Variants in INPP5A observed in about 807,000 individuals in gnomAD.
INPP5A encodes 43 kDa inositol polyphosphate 5-phophatase.
Under a neutral mutation model 65.2 loss-of-function variants are expected in INPP5A, and 14 were observed. The observed-to-expected ratio is 0.21, with a 90% CI of 0.14 to 0.34. The LOEUF is 0.34. Ranked by LOEUF, INPP5A falls within the 10% of genes least tolerant of loss-of-function variation. The probability of loss-of-function intolerance (pLI) is 1.00; values close to 1 mark genes in which losing one functional copy is unlikely to be tolerated. For synonymous variants in INPP5A, 207 were observed against 208.3 expected, an observed-to-expected ratio of 0.99 and a Z score of 0.05; for missense variants, 431 against 545.6, an observed-to-expected ratio of 0.79 and a Z score of 2.09.
At chr10:132,752,727 G>A (rs1166803886) in intron 11 of INPP5A, among the ~76,000 whole-genome samples, 3 of 151,660 alleles carry the variant, frequency 2.0e-5, no homozygotes, top group Admixed American at 2.0e-4. Context: ...GCGGCATGGA[G>A]GGGTGTGTCT....
intron 1 of INPP5A, among the ~76,000 whole-genome samples, chr10:132,554,833 T>C (rs1464010802): frequency 2.7e-5 from 4 of 147,926 alleles, no homozygotes; most frequent in Non-Finnish European, 6.0e-5. Context: ...GTGTGTGGCA[T>C]GATCGGTGTG....
chr10:132,597,811 T>G (rs1267081584), intron 1 of INPP5A, among the ~76,000 whole-genome samples: 2 of 142,154 alleles, frequency 1.4e-5, no homozygotes, highest in African/African-American at 5.1e-5. Context: ...CTACGCGTAG[T>G]GACCCTGGGC....
rs535932580 is a variant in INPP5A, at chr10:132,678,913, C to T, written c.307-11479C>T. On this transcript the variant is annotated intron_variant, in intron 4 of 15. Transcript: ENST00000368594. This position sits in a 1 kb window ranked among gnomAD's most constrained non-coding sequence, Gnocchi z 4.1. ...TGGAAAAGGGGAGGCAGCAGAGGTA[C>T]CCTCCTGACAGAAGGGCGCAGCCTC... Among the ~76,000 whole-genome samples, 3 of 152,238 alleles carry T rather than the reference C, an allele frequency of 2.0e-5. No individual in the cohort carries two copies. The South Asian group carries it at 6.2e-4, about 32-fold the overall frequency.
At chr10:132,771,247 C>T (rs1846941922) in intron 12 of INPP5A, among the ~76,000 whole-genome samples, 1 of 152,216 alleles carries the variant, frequency 6.6e-6, no homozygotes, top group South Asian at 2.1e-4. Context: ...TCATCCCACC[C>T]AGCCCAAGAC....
Position 132,697,785 on chromosome 10 carries a change from A to G in INPP5A, c.371-31A>G. On this transcript the variant is annotated intron_variant, in intron 5 of 15. Transcript: ENST00000368594. This position sits in a 1 kb window ranked among gnomAD's most constrained non-coding sequence, Gnocchi z 5.6. ...TGGTTGGATGGGGCACAGTGATGGGATAGTCACCTCGTCCTTCTGGTCTCT... is the reference window on the plus strand; with the variant it reads ...TGGTTGGATGGGGCACAGTGATGGGGTAGTCACCTCGTCCTTCTGGTCTCT... 3 of 1,450,432 alleles carry G rather than the reference A, an allele frequency of 2.1e-6. No individual in the cohort carries two copies. Among genetic ancestry groups the G allele is most frequent in the South Asian group, 1.2e-5 (1 of 86,278 alleles). The allele number at this position is 1,450,432 out of a possible 1,614,324, so 89.8% of individuals were successfully genotyped here.
chr10:132,614,174 A>G (rs537525015), intron 2 of INPP5A, among the ~76,000 whole-genome samples: 43 of 152,306 alleles, frequency 2.8e-4, no homozygotes, highest in Non-Finnish European at 4.4e-4. Context: ...TTGAGTCCCC[A>G]GGCAGAGCCT....
chr10:132,725,393 A>C (rs112448086), intron 8 of INPP5A, among the ~76,000 whole-genome samples: 3,539 of 152,232 alleles, frequency 0.023, 129 homozygotes, highest in African/African-American at 0.08. Flanking sequence ...CTGGTGCCTC[A>C]CGGCCACTTG....
intron 2 of INPP5A, among the ~76,000 whole-genome samples, chr10:132,629,027 C>T (rs892992101): frequency 7.9e-5 from 12 of 152,264 alleles, no homozygotes; most frequent in South Asian, 4.1e-4. Flanking sequence ...GAGCCGTGGC[C>T]GCACAGATGG....
rs769141929 is a variant in INPP5A at position 132,555,462 on chromosome 10, G to T, written c.75+17291G>T. Among the ~76,000 whole-genome samples the T allele has an allele frequency of 6.6e-6, 1 of 152,042 alleles. No individual in the cohort carries two copies. The highest frequency in any genetic ancestry group is 1.5e-5 in the Non-Finnish European group (1 of 67,996). ...GGGGCTTGGGCTGGGGCGTGGCCACGCTGGGAGGATGAGGAGCTTGAAGTG... is the reference window on the plus strand; with the variant it reads ...GGGGCTTGGGCTGGGGCGTGGCCACTCTGGGAGGATGAGGAGCTTGAAGTG... On this transcript the variant is annotated intron_variant, in intron 1 of 15. Coordinates refer to ENST00000368594, the MANE Select transcript of INPP5A (RefSeq NM_005539.5). The surrounding 1 kb of genome is among the most constrained non-coding windows in gnomAD (Gnocchi z 4.4).
chr10:132,604,320 C>T (rs1417182601), intron 1 of INPP5A, among the ~76,000 whole-genome samples: 19 of 150,676 alleles, frequency 1.3e-4, no homozygotes, highest in African/African-American at 3.4e-4. Flanking sequence ...CCCTCTCTGG[C>T]GCGCCCTGTG....
At position 132,546,358 on chromosome 10, in the gene INPP5A, G is replaced by A. The variant is rs2070971508; in HGVS notation, c.75+8187G>A. On this transcript the variant is annotated intron_variant, in intron 1 of 15. Transcript: ENST00000368594. The surrounding 1 kb of genome is among the most constrained non-coding windows in gnomAD (Gnocchi z 5.7). ...CTTCTGGTTTTTCCCCGTTGTGAGT[G>A]AGAACAGCCCCACCTCCAGGAGCAT... 6.6e-6 allele frequency among the ~76,000 whole-genome samples: 1 copy of A among 152,098 alleles called. No homozygotes were observed. Among genetic ancestry groups the A allele is most frequent in the African/African-American group, 2.4e-5 (1 of 41,426 alleles).
rs1411166551 is a variant in INPP5A, at chr10:132,538,293, T to C, written c.75+122T>C. ...CTCCAGACCCAGAGGCCCCAGACTC[T>C]GATCCCTGTACCCGGGACCCCAGAC... On this transcript the variant is annotated intron_variant, in intron 1 of 15. Transcript: ENST00000368594. The surrounding 1 kb of genome is among the most constrained non-coding windows in gnomAD (Gnocchi z 4.1). 2 of 381,742 alleles carry C rather than the reference T, an allele frequency of 5.2e-6. No individual in the cohort carries two copies. The highest frequency in any genetic ancestry group is 8.1e-6 in the Non-Finnish European group (2 of 246,142). 23.6% of individuals were successfully genotyped at this position (381,742 alleles called of 1,614,324 possible). A position where few individuals can be genotyped will look rare whatever the true frequency, so the allele number is the denominator to read the frequency against.
In INPP5A at chr10:132,770,006, G is replaced by C. The variant is rs374295072; in HGVS notation, c.977+4160G>C. On this transcript the variant is annotated intron_variant, in intron 12 of 15. Coordinates refer to ENST00000368594, the MANE Select transcript of INPP5A (RefSeq NM_005539.5). ...GATTTAAGATGGCTCCTCGGTGGCC[G>C]CTCCACTGGTGTGACAGCCCGACAT... Among the ~76,000 whole-genome samples, 40 of 152,264 alleles carry C rather than the reference G, an allele frequency of 2.6e-4. No individual in the cohort carries two copies. In the South Asian group the frequency reaches 5.8e-3, roughly 22 times the overall value.
rs1174081479 is a variant in INPP5A at position 132,706,807 on chromosome 10, G to A, written c.475-1506G>A. On this transcript the variant is annotated intron_variant, in intron 6 of 15. Transcript: ENST00000368594. This position sits in a 1 kb window ranked among gnomAD's most constrained non-coding sequence, Gnocchi z 4.7. Reference sequence around the variant, plus strand: ...CAGGGAGAAGGAGACGGGGCTGCAGGGGCCACTGTGCTGGATGGGGACCAG... The same window carrying A: ...CAGGGAGAAGGAGACGGGGCTGCAGAGGCCACTGTGCTGGATGGGGACCAG... 6.6e-6 allele frequency among the ~76,000 whole-genome samples: 1 copy of A among 152,166 alleles called. No individual in the cohort carries two copies. The highest frequency in any genetic ancestry group is 1.5e-5 in the Non-Finnish European group (1 of 68,028).
intron 2 of INPP5A, among the ~76,000 whole-genome samples, chr10:132,613,859 T>G (rs2071993078): frequency 6.6e-6 from 1 of 152,242 alleles, no homozygotes; most frequent in African/African-American, 2.4e-5. Flanking sequence ...GCCTCGACAC[T>G]GGGCCTCTGA....
intron 2 of INPP5A, among the ~76,000 whole-genome samples, chr10:132,609,229 A>T (rs1355853425): frequency 1.3e-5 from 2 of 152,232 alleles, no homozygotes; most frequent in Non-Finnish European, 2.9e-5. Context: ...ACAAATCGAA[A>T]TAATAGATAT....
At chr10:132,593,318 C>T (rs1005538417) in intron 1 of INPP5A, among the ~76,000 whole-genome samples, 3 of 151,906 alleles carry the variant, frequency 2.0e-5, no homozygotes, top group African/African-American at 7.3e-5. Context: ...GCGTGGGGAG[C>T]CCTGCGGGCC....
In INPP5A at chr10:132,640,749, G is replaced by A. The variant is rs193084279; in HGVS notation, c.118-5119G>A. ...CCTTGTAGTGCCTTTTAGTTGATGC[G>A]TGTCTCTGTATACCTTCTTTTCTCT... On this transcript the variant is annotated intron_variant, in intron 2 of 15. Transcript: ENST00000368594. Among the ~76,000 whole-genome samples, 346 of 152,318 alleles carry A rather than the reference G, an allele frequency of 2.3e-3. 2 individuals are homozygous for A. The highest frequency in any genetic ancestry group is 6.8e-3 in the African/African-American group (282 of 41,566).
chr10:132,541,299 C>T (rs960682309), intron 1 of INPP5A, among the ~76,000 whole-genome samples: 5 of 152,166 alleles, frequency 3.3e-5, no homozygotes, highest in African/African-American at 1.2e-4. Flanking sequence ...CCTCTCAAAA[C>T]GCTGCGTGCA....
Sources: allele counts gnomAD v4.1 joint callset (sites outside exome capture counted in the v4.1 genomes callset), GRCh38; gene constraint gnomAD v4.1.1; non-coding constraint Gnocchi (gnomAD v3.1); transcripts MANE v1.5; gene names NCBI Gene and HGNC (gene_info 2026-07-23, HGNC 2026-07-21).